CSGALNACT1: variants seen among roughly 807,000 people sequenced by gnomAD.
CSGALNACT1 encodes chondroitin sulfate N-acetylgalactosaminyltransferase 1.
A neutral mutation model predicts 51.0 loss-of-function variants in CSGALNACT1; 52 were observed. The observed-to-expected ratio is 1.02, with a 90% CI of 0.82 to 1.29. The LOEUF (loss-of-function observed/expected upper bound fraction) is 1.29, where lower values mean the gene tolerates loss of function less well. CSGALNACT1 is among the 50% of genes most tolerant of loss of function. CSGALNACT1 has a pLI of 0.00. For synonymous variants in CSGALNACT1, 341 were observed against 254.4 expected (o/e 1.34, Z -3.24); for missense variants, 935 against 679.2 (o/e 1.38, Z -4.19).
upstream of CSGALNACT1, among the ~76,000 whole-genome samples, chr8:19,606,978 AC>A (rs1216307759): frequency 1.3e-5 from 2 of 151,874 alleles, no homozygotes; most frequent in African/African-American, 2.4e-5. Context: ...ATACGGGGAA[AC>A]CCTGTCTGTA....
chr8:19,746,795 A>G (rs996169032), intron 1 of CSGALNACT1, among the ~76,000 whole-genome samples: 1 of 152,242 alleles, frequency 6.6e-6, no homozygotes, highest in African/African-American at 2.4e-5. Flanking sequence ...TTTCTAGCTC[A>G]TGTACATTAA....
At chr8:19,540,859 T>G (rs556365201) in intron 3 of CSGALNACT1, among the ~76,000 whole-genome samples, 1 of 152,250 alleles carries the variant, frequency 6.6e-6, no homozygotes, top group African/African-American at 2.4e-5. Context: ...AGCATGGATG[T>G]CACCTGCCAG....
rs1360885574 is a variant in CSGALNACT1, at chr8:19,689,184, CGA to C, written c.-297+68664_-297+68665del. 3.3e-5 allele frequency among the ~76,000 whole-genome samples: 5 copies of C among 152,134 alleles called. No individual in the cohort carries two copies. In the South Asian group the frequency reaches 1.0e-3, roughly 31 times the overall value. ...TAGCGATGCCATGTGCCTTCCAAGA[CGA>C]TGTCATAAAAGACTGTATTATAGTT... On this transcript the variant is annotated intron_variant, in intron 1 of 1. Transcript: ENST00000517494.
chr8:19,578,869 C>A (rs941082983), intron 3 of CSGALNACT1, among the ~76,000 whole-genome samples: 1 of 152,146 alleles, frequency 6.6e-6, no homozygotes, highest in African/African-American at 2.4e-5. Flanking sequence ...ATCAAGACCA[C>A]GTCGACCCTG....
chr8:19,434,422 T>C (rs1418695170), intron 6 of CSGALNACT1, among the ~76,000 whole-genome samples: 1 of 152,190 alleles, frequency 6.6e-6, no homozygotes, highest in African/African-American at 2.4e-5. Context: ...TTTTTCTCTC[T>C]CTGAAGGATT....
rs1564383214 is a variant in CSGALNACT1, at chr8:19,666,809, A to AAGAAAGAAAGAG, written c.-544+15663_-544+15664insCTCTTTCTTTCT. On this transcript the variant is annotated intron_variant, in intron 1 of 9. Transcript: ENST00000332246. ...AAAGAAAGAAAGAAAGAAAGAAAGA[A>AAGAAAGAAAGAG]AGAGAGAGAGAGAGAGAGAGAGAGA... Among the ~76,000 whole-genome samples the AAGAAAGAAAGAG allele has an allele frequency of 3.5e-3, 88 of 25,096 alleles. 6 individuals carry two copies. The highest frequency in any genetic ancestry group is 0.012 in the East Asian group (13 of 1,060). The allele number at this position is 25,096 out of a possible 152,430, so 16.5% of individuals were successfully genotyped here.
At chr8:19,551,908 A>C (rs1360480734) in intron 3 of CSGALNACT1, among the ~76,000 whole-genome samples, 1 of 152,240 alleles carries the variant, frequency 6.6e-6, no homozygotes, top group East Asian at 1.9e-4. Context: ...CCGTAAGTTC[A>C]AAAATCTTTC....
chr8:19,592,665 G>GA, intron 2 of CSGALNACT1, among the ~76,000 whole-genome samples: 1 of 152,216 alleles, frequency 6.6e-6, no homozygotes, highest in Middle Eastern at 3.4e-3. Context: ...AGGGTGGGAG[G>GA]ATCTCATGAG....
At chr8:19,474,485 A>G (rs1170813731) in intron 4 of CSGALNACT1, among the ~76,000 whole-genome samples, 1 of 152,212 alleles carries the variant, frequency 6.6e-6, no homozygotes, top group Non-Finnish European at 1.5e-5. Context: ...TCTTAAGGGC[A>G]GTGACTAAAG....
rs13275011 is a variant in CSGALNACT1, at chr8:19,666,749, C to T, written c.-544+15724G>A. ...AAAGACAAGAAAGAAACACAAGAAA[C>T]AAGAAAGAAAGAAGAAAGAAAGAAA... On this transcript the variant is annotated intron_variant, in intron 1 of 9. Coordinates refer to the CSGALNACT1 transcript ENST00000332246. Among the ~76,000 whole-genome samples, 1,020 of 107,706 alleles carry T rather than the reference C, an allele frequency of 9.5e-3. 23 individuals carry two copies. Among genetic ancestry groups the T allele is most frequent in the South Asian group, 0.026 (81 of 3,122 alleles). The allele number at this position is 107,706 out of a possible 152,430, so 70.7% of individuals were successfully genotyped here.
chr8:19,755,444 T>C (rs1238940833), intron 1 of CSGALNACT1, among the ~76,000 whole-genome samples: 1 of 32,898 alleles, frequency 3.0e-5, no homozygotes, highest in Non-Finnish European at 6.1e-5. Context: ...GATCCCTAAA[T>C]GTAAAGAAAG....
chr8:19,562,098 TG>T (rs1170888096), intron 3 of CSGALNACT1, among the ~76,000 whole-genome samples: 1 of 152,152 alleles, frequency 6.6e-6, no homozygotes, highest in Non-Finnish European at 1.5e-5. Context: ...AAAGCTGCTG[TG>T]GTCCCACTCT....
At chr8:19,632,012 T>C (rs1386837873) in intron 1 of CSGALNACT1, among the ~76,000 whole-genome samples, 2 of 152,342 alleles carry the variant, frequency 1.3e-5, no homozygotes, top group South Asian at 4.1e-4. Context: ...ATGGCCTGAA[T>C]TTTCAAATAG....
chr8:19,597,939 T>C (rs1377330564), intron 2 of CSGALNACT1, among the ~76,000 whole-genome samples: 1 of 152,128 alleles, frequency 6.6e-6, no homozygotes, highest in African/African-American at 2.4e-5. Context: ...AATAAGGCAA[T>C]AGAGAGAGGC....
chr8:19,727,448 C>T (rs760045621), intron 1 of CSGALNACT1, among the ~76,000 whole-genome samples: 71 of 152,150 alleles, frequency 4.7e-4, no homozygotes, highest in Non-Finnish European at 3.1e-4. Context: ...CTCCCAGGCT[C>T]AAGTCATCCT....
At chr8:19,505,544 C>G in exon 4 of CSGALNACT1, 1 of 1,613,932 alleles carries the variant, frequency 6.2e-7, no homozygotes, top group Non-Finnish European at 8.5e-7. Flanking sequence ...TGGCTTGGTA[C>G]TGCCCATTCC....
chr8:19,451,231 T>C (rs535183548), intron 5 of CSGALNACT1, among the ~76,000 whole-genome samples: 1 of 152,296 alleles, frequency 6.6e-6, no homozygotes, highest in East Asian at 1.9e-4. Flanking sequence ...GCTGGAGGAC[T>C]CTGGCCTTTG....
At chr8:19,732,303 A>T (rs533041568) in intron 1 of CSGALNACT1, among the ~76,000 whole-genome samples, 1 of 152,244 alleles carries the variant, frequency 6.6e-6, no homozygotes, top group Non-Finnish European at 1.5e-5. Context: ...GAGCTTCTTA[A>T]CAGTATTTCT....
chr8:19,475,309 G>A (rs1384505614), intron 4 of CSGALNACT1, among the ~76,000 whole-genome samples: 2 of 152,208 alleles, frequency 1.3e-5, no homozygotes, highest in Admixed American at 6.5e-5. Context: ...AAGGCAGCCT[G>A]TGAGTCACAT....
Sources: gnomAD v4.1 joint callset for allele counts (sites outside exome capture counted in the v4.1 genomes callset) on GRCh38, gnomAD v4.1.1 for gene constraint, MANE v1.5 for transcripts, NCBI Gene and HGNC (gene_info 2026-07-23, HGNC 2026-07-21) for gene names.